NLGN4X: variants seen among roughly 807,000 people sequenced by gnomAD.
NLGN4X encodes the protein neuroligin-4, X-linked.
Under a neutral mutation model 40.3 loss-of-function variants are expected in NLGN4X, and 3 were observed. The ratio of observed to expected loss-of-function variants is 0.07; its 90% CI spans 0.03 to 0.19. The LOEUF is 0.19. Among genes scored for constraint, NLGN4X ranks in the 10% least tolerant of loss-of-function variants. The probability of loss-of-function intolerance (pLI) is 1.00; values close to 1 mark genes in which losing one functional copy is unlikely to be tolerated. For missense variants in NLGN4X, 382 were observed against 708.3 expected (o/e 0.54, Z 5.23); for synonymous variants, 270 against 306.8 (o/e 0.88, Z 1.25).
chrX:6,007,587 G>C lies in NLGN4X; in HGVS notation c.625+21693C>G, dbSNP rs138139045. Among the ~76,000 whole-genome samples the C allele has an allele frequency of 2.8e-3, 316 of 111,951 alleles. 1 individual carries two copies. The highest frequency in any genetic ancestry group is 1.0e-2 in the African/African-American group (308 of 30,873). ...CTTAAAACACGTATTTTGTTAGTAA[G>C]TACATACATTTGCTAACAAAATAGT... On this transcript the variant is annotated intron_variant, in intron 3 of 5. Transcript: ENST00000381095.
chrX:6,101,112 T>C (rs893056371), intron 2 of NLGN4X, among the ~76,000 whole-genome samples: 1 of 112,083 alleles, frequency 8.9e-6, no homozygotes, highest in Non-Finnish European at 1.9e-5. Flanking sequence ...AAAGAGAATG[T>C]ACTTTTCAGG....
At chrX:5,978,349 C>CT (rs1283050796) in intron 3 of NLGN4X, among the ~76,000 whole-genome samples, 3 of 87,410 alleles carry the variant, frequency 3.4e-5, no homozygotes, top group African/African-American at 1.4e-4. Flanking sequence ...TCTTTCCCTT[C>CT]CTTCTCTTTC....
At chrX:6,153,445 C>T (rs2040204637) in intron 1 of NLGN4X, among the ~76,000 whole-genome samples, 1 of 112,098 alleles carries the variant, frequency 8.9e-6, no homozygotes, top group Non-Finnish European at 1.9e-5. Context: ...GTCTGCCATA[C>T]AGCAATCCCA....
intron 3 of NLGN4X, among the ~76,000 whole-genome samples, chrX:6,013,533 AG>A (rs67256321): frequency 0.31 from 33,988 of 110,512 alleles, 4,725 homozygotes; most frequent in East Asian, 0.58. Context: ...CACTAGGGAG[AG>A]AGAGGTAGTA....
chrX:5,986,289 T>C (rs1363981043), intron 3 of NLGN4X, among the ~76,000 whole-genome samples: 2 of 112,191 alleles, frequency 1.8e-5, no homozygotes, highest in Non-Finnish European at 3.8e-5. Flanking sequence ...AAAAATGTGA[T>C]GATTGGCACA....
intron 2 of NLGN4X, among the ~76,000 whole-genome samples, chrX:6,101,801 T>A (rs1346164912): frequency 6.0e-5 from 6 of 99,315 alleles, no homozygotes; most frequent in African/African-American, 2.2e-4. Flanking sequence ...TAGTCAATAG[T>A]AATTTAATTG....
At chrX:6,044,851 T>C (rs1171470836) in intron 2 of NLGN4X, among the ~76,000 whole-genome samples, 1 of 112,014 alleles carries the variant, frequency 8.9e-6, no homozygotes, top group African/African-American at 3.2e-5. Context: ...AGACACACAA[T>C]GTAGAATAAA....
At chrX:6,156,465 C>T (rs952942507) in intron 1 of NLGN4X, among the ~76,000 whole-genome samples, 19 of 111,462 alleles carry the variant, frequency 1.7e-4, no homozygotes, top group African/African-American at 6.5e-5. Flanking sequence ...GCCAAGATCG[C>T]GCCACTGCAC....
chrX:6,106,545 C>T, intron 2 of NLGN4X, among the ~76,000 whole-genome samples: 1 of 111,819 alleles, frequency 8.9e-6, no homozygotes, highest in Non-Finnish European at 1.9e-5. Context: ...CTTTCCCCAT[C>T]CCCAACCGAA....
intron 3 of NLGN4X, among the ~76,000 whole-genome samples, chrX:5,924,131 T>G (rs1041999491): frequency 1.8e-5 from 2 of 111,581 alleles, no homozygotes; most frequent in African/African-American, 6.5e-5. Flanking sequence ...GATTGACTTG[T>G]ACATTTACTA....
At chrX:6,006,751 T>C (rs187435459) in intron 3 of NLGN4X, among the ~76,000 whole-genome samples, 185 of 111,567 alleles carry the variant, frequency 1.7e-3, no homozygotes, top group Non-Finnish European at 2.9e-3. Flanking sequence ...TAAGTAATTA[T>C]AATAAAAATG....
At chrX:5,993,109 C>T (rs1040212084) in intron 3 of NLGN4X, among the ~76,000 whole-genome samples, 1 of 111,170 alleles carries the variant, frequency 9.0e-6, no homozygotes, top group Non-Finnish European at 1.9e-5. Context: ...AACCTTAATA[C>T]TAGTGGCATT....
chrX:5,908,688 C>T (rs1270686934), intron 4 of NLGN4X, among the ~76,000 whole-genome samples: 3 of 111,766 alleles, frequency 2.7e-5, no homozygotes, highest in Admixed American at 1.9e-4. Flanking sequence ...GCAGGAGGAT[C>T]GCTTGAGTCC....
chrX:5,930,541 C>T (rs2033510811), intron 3 of NLGN4X, among the ~76,000 whole-genome samples: 1 of 112,285 alleles, frequency 8.9e-6, no homozygotes, highest in African/African-American at 3.2e-5. Flanking sequence ...ATCACAGAAA[C>T]AACTATAACC....
chrX:6,050,157 T>C (rs1156939701), intron 2 of NLGN4X, among the ~76,000 whole-genome samples: 1 of 111,984 alleles, frequency 8.9e-6, no homozygotes, highest in Admixed American at 9.4e-5. Context: ...GAAGACCCAG[T>C]GTTGCCCTCA....
intron 3 of NLGN4X, among the ~76,000 whole-genome samples, chrX:5,972,101 C>T (rs1179610221): frequency 3.7e-5 from 4 of 109,072 alleles, no homozygotes; most frequent in Admixed American, 2.9e-4. Flanking sequence ...ATAATGTAAA[C>T]GTAACATACA....
intron 3 of NLGN4X, among the ~76,000 whole-genome samples, chrX:5,944,650 C>CAAA (rs750871231): frequency 2.6e-3 from 65 of 24,572 alleles, no homozygotes; most frequent in Middle Eastern, 0.02. Flanking sequence ...GACTCTGTCT[C>CAAA]AAAAAAAAAA....
At chrX:6,100,160 G>A (rs1432733509) in intron 2 of NLGN4X, among the ~76,000 whole-genome samples, 2 of 112,841 alleles carry the variant, frequency 1.8e-5, no homozygotes, top group Non-Finnish European at 3.7e-5. Flanking sequence ...GGCACAGATC[G>A]CTCATGCTAT....
chrX:6,108,809 G>C (rs2039086335), intron 2 of NLGN4X, among the ~76,000 whole-genome samples: 1 of 111,744 alleles, frequency 8.9e-6, no homozygotes, highest in Non-Finnish European at 1.9e-5. Context: ...TCATCTCTCA[G>C]GTTTTGGACT....
Sources: gnomAD v4.1 joint callset for allele counts (sites outside exome capture counted in the v4.1 genomes callset) on GRCh38, gnomAD v4.1.1 for gene constraint, MANE v1.5 for transcripts, NCBI Gene and HGNC (gene_info 2026-07-23, HGNC 2026-07-21) for gene names.